Variants in CBFA2T2 observed in about 807,000 individuals in gnomAD.
The protein encoded by CBFA2T2 is CBFA2/RUNX1 partner transcriptional co-repressor 2, also known as protein CBFA2T2.
In CBFA2T2, 11 loss-of-function variants were observed where a neutral mutation model predicts 62.2. That is an observed-to-expected ratio of 0.18 (90% CI 0.11 to 0.29). The LOEUF (loss-of-function observed/expected upper bound fraction) is 0.29. Among genes scored for constraint, CBFA2T2 ranks in the 10% least tolerant of loss-of-function variants. The pLI, the probability that CBFA2T2 is intolerant of heterozygous loss-of-function variation, is 1.00. For missense variants in CBFA2T2, 592 were observed against 774.1 expected (o/e 0.76, Z 2.79); for synonymous variants, 295 against 287.5 (o/e 1.03, Z -0.27).
intron 1 of CBFA2T2, among the ~76,000 whole-genome samples, chr20:33,581,636 A>T (rs988453497): frequency 6.6e-6 from 1 of 152,212 alleles, no homozygotes; most frequent in Admixed American, 6.5e-5. Flanking sequence ...TCATGTCATT[A>T]TAAGGGTTTC....
intron 1 of CBFA2T2, among the ~76,000 whole-genome samples, chr20:33,536,947 G>T (rs1444068813): frequency 2.0e-5 from 3 of 151,206 alleles, no homozygotes; most frequent in Non-Finnish European, 2.9e-5. Flanking sequence ...GGGCAGAGAC[G>T]CTCCTCACTT....
chr20:33,517,530 A>G (rs757392508), intron 1 of CBFA2T2, among the ~76,000 whole-genome samples: 2 of 150,996 alleles, frequency 1.3e-5, no homozygotes, highest in African/African-American at 2.4e-5. Context: ...GCTCACTGCA[A>G]TCTCCGGCTC....
chr20:33,619,397 A>C (rs2015845315), intron 3 of CBFA2T2, 120 bp from the exon 4 acceptor site: 2 of 538,970 alleles, frequency 3.7e-6, no homozygotes, highest in South Asian at 3.3e-5. Flanking sequence ...ACAGAGCAAG[A>C]CTCCATCTCA....
chr20:33,506,682 C>T (rs967158239), intron 1 of CBFA2T2, among the ~76,000 whole-genome samples: 1 of 152,076 alleles, frequency 6.6e-6, no homozygotes, highest in African/African-American at 2.4e-5. Context: ...TTGATGCCAT[C>T]GAGTGAGAGT....
At chr20:33,567,875 C>T (rs756071863) in intron 1 of CBFA2T2, among the ~76,000 whole-genome samples, 65 of 152,192 alleles carry the variant, frequency 4.3e-4, no homozygotes, top group Non-Finnish European at 8.1e-4. Flanking sequence ...TGAGCCACCA[C>T]GCCCAGCCTG....
intron 1 of CBFA2T2, among the ~76,000 whole-genome samples, chr20:33,544,630 C>A (rs1278561231): frequency 6.6e-6 from 1 of 152,050 alleles, no homozygotes; most frequent in South Asian, 2.1e-4. Context: ...TCACTGTAAC[C>A]TCCACCTCCT....
At chr20:33,527,174 AC>A (rs2011911536) in intron 1 of CBFA2T2, among the ~76,000 whole-genome samples, 17 of 152,104 alleles carry the variant, frequency 1.1e-4, no homozygotes, top group Admixed American at 1.1e-3. Flanking sequence ...TTTTAAAATC[AC>A]ATATCACTTA....
rs1224378644 is a variant in CBFA2T2, at chr20:33,647,081, T to C, written c.*2435T>C. The C allele has an allele frequency of 6.6e-6, 1 of 152,192 alleles. No individual in the cohort carries two copies. Among genetic ancestry groups the C allele is most frequent in the African/African-American group, 2.4e-5 (1 of 41,412 alleles). 9.4% of individuals were successfully genotyped at this position (152,192 alleles called of 1,614,324 possible). ...ACAGTTTTCCAGTCAGCCTAATACATGGGTATCCCCCGACCCCATCTGCCT... is the reference window on the plus strand; with the variant it reads ...ACAGTTTTCCAGTCAGCCTAATACACGGGTATCCCCCGACCCCATCTGCCT... On this transcript the variant is annotated 3_prime_UTR_variant, in exon 11 of 11. Coordinates refer to ENST00000342704, the MANE Select transcript of CBFA2T2 (RefSeq NM_001032999.3).
chr20:33,624,800 T>C lies in CBFA2T2; in HGVS notation c.729T>C (p.Ala243=). 1 of 1,614,176 alleles carries C rather than the reference T, an allele frequency of 6.2e-7. No individual in the cohort carries two copies. Among genetic ancestry groups the C allele is most frequent in the Non-Finnish European group, 8.5e-7 (1 of 1,180,020 alleles). ...ATAGTTTTGATAGAGACACAATTGC[T>C]CCTGAGCCTCCTGCCAAGAGAGTAT... ...EENSFDRDTI[A]PEPPAKRVCT... The change falls in exon 6 of 11, where the codon GCT becomes GCC. Residue 243 remains alanine (A), a synonymous_variant. Transcript: ENST00000342704.
chr20:33,514,204 TTG>T (rs2011558549), intron 1 of CBFA2T2, among the ~76,000 whole-genome samples: 1 of 135,116 alleles, frequency 7.4e-6, no homozygotes, highest in African/African-American at 2.7e-5. Flanking sequence ...TGCCCTGCCT[TTG>T]TTTTTTTTTT....
At chr20:33,602,064 C>G (rs147389893) in intron 1 of CBFA2T2, among the ~76,000 whole-genome samples, 2 of 152,092 alleles carry the variant, frequency 1.3e-5, no homozygotes, top group Non-Finnish European at 2.9e-5. Context: ...GCAATTCTCC[C>G]GTCTCAAGGT....
At chr20:33,597,968 A>G (rs1031404801) in intron 1 of CBFA2T2, among the ~76,000 whole-genome samples, 1 of 152,144 alleles carries the variant, frequency 6.6e-6, no homozygotes. Flanking sequence ...GAGACATCAT[A>G]TGTCGGTAGG....
intron 1 of CBFA2T2, among the ~76,000 whole-genome samples, chr20:33,523,249 G>C (rs887633183): frequency 1.3e-5 from 2 of 152,012 alleles, no homozygotes; most frequent in African/African-American, 4.8e-5. Context: ...GAGACATATT[G>C]GGATAAATCA....
intron 1 of CBFA2T2, among the ~76,000 whole-genome samples, chr20:33,501,658 T>TTTTTTA (rs2011283993): frequency 2.1e-5 from 3 of 141,192 alleles, no homozygotes; most frequent in Non-Finnish European, 4.5e-5. Flanking sequence ...TTTTTTTTTT[T>TTTTTTA]GAGAGGGAGT....
intron 2 of CBFA2T2, among the ~76,000 whole-genome samples, chr20:33,609,024 CAGCCCGTT>C (rs1240499607): frequency 6.6e-6 from 1 of 152,184 alleles, no homozygotes; most frequent in Non-Finnish European, 1.5e-5. Context: ...CCCCTTTTCT[CAGCCCGTT>C]AGTCTGTTAT....
intron 1 of CBFA2T2, among the ~76,000 whole-genome samples, chr20:33,520,198 T>C (rs922716919): frequency 2.0e-5 from 3 of 151,986 alleles, no homozygotes; most frequent in Admixed American, 2.0e-4. Context: ...GAAAAACTAT[T>C]TTGATATAGC....
rs1198407321 is a variant in CBFA2T2 at position 33,649,451 on chromosome 20, G to C, written c.*4805G>C. ...TGGTGCAGGTGACCTTTTCCATCGT[G>C]AGCTAAGAGAAGGTTAGGAGGCCTG... On this transcript the variant is annotated 3_prime_UTR_variant, in exon 11 of 11. Transcript: ENST00000342704. The C allele has an allele frequency of 6.6e-6, 1 of 152,654 alleles. No individual in the cohort carries two copies. Among genetic ancestry groups the C allele is most frequent in the East Asian group, 1.9e-4 (1 of 5,202 alleles). 9.5% of individuals were successfully genotyped at this position (152,654 alleles called of 1,614,324 possible). A position where few individuals can be genotyped will look rare whatever the true frequency, so the allele number is the denominator to read the frequency against.
chr20:33,640,544 C>T lies in CBFA2T2; in HGVS notation c.1488+13C>T, dbSNP rs201736837. On this transcript the variant is annotated intron_variant, in intron 10 of 10. Transcript: ENST00000342704. ...GGAGTCCACGGAGGTCAGAGCTCTG[C>T]GCCCTGGGGGCTGGGGTGAGCAGCT... The T allele has an allele frequency of 5.7e-5, 92 of 1,612,836 alleles. No individual in the cohort carries two copies. The East Asian group carries it at 7.6e-4, about 13-fold the overall frequency.
intron 1 of CBFA2T2, among the ~76,000 whole-genome samples, chr20:33,540,961 A>G (rs1465005235): frequency 1.3e-5 from 2 of 152,188 alleles, no homozygotes; most frequent in African/African-American, 4.8e-5. Context: ...AGTAGAAGGT[A>G]CTAGCTTAAT....
Sources: gnomAD v4.1 joint callset for allele counts (sites outside exome capture counted in the v4.1 genomes callset) on GRCh38, gnomAD v4.1.1 for gene constraint, MANE v1.5 for transcripts, NCBI Gene and HGNC (gene_info 2026-07-23, HGNC 2026-07-21) for gene names.